Variants in MSH5 observed in about 807,000 individuals in gnomAD.
MSH5 encodes the protein mutS homolog 5.
In MSH5, 78 loss-of-function variants were observed where a neutral mutation model predicts 107.7. The observed-to-expected ratio is 0.72, with a 90% confidence interval of 0.60 to 0.87. The LOEUF (loss-of-function observed/expected upper bound fraction) is 0.87. Among genes scored for constraint, MSH5 ranks in the 40% least tolerant of loss-of-function variants. The probability of loss-of-function intolerance (pLI) is 0.00; values close to 1 mark genes in which losing one functional copy is unlikely to be tolerated. For synonymous variants in MSH5, 326 were observed against 399.5 expected (o/e 0.82, Z 2.19); for missense variants, 889 against 1,046.6 (o/e 0.85, Z 2.08).
chr6:31,741,298 A>G lies in MSH5; in HGVS notation c.271+12A>G. The stretch of plus-strand genomic sequence containing the variant: ...GCTTCTCCAGAGAGGTGGGGATGGA[A>G]CCATGAATTCCTCTGCTCTCTGGGA... On this transcript the variant is annotated intron_variant, in intron 3 of 24. Coordinates refer to ENST00000375750, the MANE Select transcript of MSH5 (RefSeq NM_172166.4). 6.3e-7 allele frequency: 1 copy of G among 1,597,224 alleles called. No individual in the cohort carries two copies. Among genetic ancestry groups the G allele is most frequent in the Non-Finnish European group, 8.5e-7 (1 of 1,170,758 alleles).
At chr6:31,752,647 G>C (rs1025024929) in intron 10 of MSH5, among the ~76,000 whole-genome samples, 1 of 151,688 alleles carries the variant, frequency 6.6e-6, no homozygotes, top group African/African-American at 2.4e-5. Context: ...TTGAACCCGG[G>C]AGGTGGAGGT....
Position 31,758,492 on chromosome 6 carries a change from G to A in MSH5, c.1144-56G>A. 1.2e-6 allele frequency: 2 copies of A among 1,600,054 alleles called. No homozygotes were observed. Among genetic ancestry groups the A allele is most frequent in the Non-Finnish European group, 1.7e-6 (2 of 1,168,532 alleles). On this transcript the variant is annotated intron_variant, in intron 13 of 24. Transcript: ENST00000375750. The surrounding 1 kb of genome is among the most constrained non-coding windows in gnomAD (Gnocchi z 5.1). The stretch of plus-strand genomic sequence containing the variant: ...CAGGGAGAATTGGGGCCCAAGGAGA[G>A]CTGAGGAACAGGACAGAGGGTGCCA...
At chr6:31,745,637 T>A (rs925818313) in intron 9 of MSH5, among the ~76,000 whole-genome samples, 4 of 152,012 alleles carry the variant, frequency 2.6e-5, no homozygotes, top group Non-Finnish European at 4.4e-5. Flanking sequence ...TAGAGAAGAG[T>A]TTTGTAACTG....
In MSH5 at chr6:31,759,824, G is replaced by A. The variant is rs776904194; in HGVS notation, c.1534G>A (p.Val512Met). The stretch of plus-strand genomic sequence containing the variant: ...GCTGATGTACCAGCTACAGTGCCAG[G>A]TGCTGGCACGAGCAGCTGTCTTAAC... The part of the protein sequence containing the change: ...TLLMYQLQCQ[V>M]LARAAVLTRV... The change falls in exon 18 of 25, where the codon GTG (valine) becomes ATG (methionine). Residue 512 changes from valine to methionine, a missense_variant. By Grantham distance (21) the Val-to-Met change is conservative. Transcript: ENST00000375750. The surrounding 1 kb of genome is among the most constrained non-coding windows in gnomAD (Gnocchi z 4.7). The A allele has an allele frequency of 6.2e-7, 1 of 1,613,790 alleles. No individual in the cohort carries two copies. The highest frequency in any genetic ancestry group is 8.5e-7 in the Non-Finnish European group (1 of 1,180,024).
At chr6:31,745,363 A>G in intron 9 of MSH5, 44 bp downstream of exon 9, 1 of 1,396,268 alleles carries the variant, frequency 7.2e-7, no homozygotes, top group Non-Finnish European at 1.0e-6. Context: ...AAGACCTACC[A>G]GAAAAGCAAT....
chr6:31,746,696 C>T (rs1446102200), intron 9 of MSH5, among the ~76,000 whole-genome samples: 2 of 151,902 alleles, frequency 1.3e-5, no homozygotes, highest in Non-Finnish European at 2.9e-5. Flanking sequence ...AGTGATCCTC[C>T]TGCCTTGGCC....
At position 31,744,016 on chromosome 6, in the gene MSH5, C is replaced by G. The variant is rs1364061906; in HGVS notation, c.528C>G (p.Cys176Trp). The change falls in exon 6 of 25, where the codon TGC becomes TGG. Residue 176 changes from cysteine (C) to tryptophan (W), a missense_variant. Transcript: ENST00000375750. ...LFLSSIIPFD[C>W]LLTVRALGGL... is the part of the protein sequence containing the mutation. ...TCTCTTCCATTATTCCCTTTGACTGCCTCCTCACAGTGAGATTGGTCCTGG... is the reference window on the plus strand; with the variant it reads ...TCTCTTCCATTATTCCCTTTGACTGGCTCCTCACAGTGAGATTGGTCCTGG... The G allele has an allele frequency of 6.2e-7, 1 of 1,614,130 alleles. No individual in the cohort carries two copies. The highest frequency in any genetic ancestry group is 2.2e-5 in the East Asian group (1 of 44,890).
In MSH5 at chr6:31,761,513, G is replaced by A; in HGVS notation, c.2079G>A (p.Trp693Ter). 3 of 1,613,686 alleles carry A rather than the reference G, an allele frequency of 1.9e-6. No individual in the cohort carries two copies. The highest frequency in any genetic ancestry group is 1.3e-5 in the African/African-American group (1 of 75,060). Residue 693 changes from tryptophan (W) to a stop codon, truncating the protein, a stop_gained, in exon 22 of 25, where the codon TGG becomes TGA. Transcript: ENST00000375750. LOFTEE classifies it high-confidence loss of function. The surrounding 1 kb of genome is among the most constrained non-coding windows in gnomAD (Gnocchi z 5.3). ...LALLAAVLRH[W>*]LARGPTCPHI... ...TTCTGGCCGCTGTGCTCCGACACTG[G>A]CTGGCACGTGGACCCACATGCCCCC...
chr6:31,750,477 T>C (rs1809849835), intron 10 of MSH5, among the ~76,000 whole-genome samples: 1 of 152,226 alleles, frequency 6.6e-6, no homozygotes, highest in South Asian at 2.1e-4. Context: ...GCTGTTCTCA[T>C]TGGCGGTATG....
Position 31,760,682 on chromosome 6 carries a change from C to G in MSH5, c.1813-8C>G. The G allele has an allele frequency of 6.2e-7, 1 of 1,612,922 alleles. No individual in the cohort carries two copies. The highest frequency in any genetic ancestry group is 8.5e-7 in the Non-Finnish European group (1 of 1,180,052). On this transcript the variant is annotated splice_polypyrimidine_tract_variant and splice_region_variant and intron_variant, in intron 19 of 24. Coordinates refer to ENST00000375750, the MANE Select transcript of MSH5 (RefSeq NM_172166.4). The surrounding 1 kb of genome is among the most constrained non-coding windows in gnomAD (Gnocchi z 5.6). ...CAGGCCCCAGGCCCTGTCTCCTTCCCTATTCAGGTAGGCTTGATCACATTC... is the reference window on the plus strand; with the variant it reads ...CAGGCCCCAGGCCCTGTCTCCTTCCGTATTCAGGTAGGCTTGATCACATTC...
chr6:31,744,789 CAAAG>C (rs1809259729), intron 8 of MSH5, among the ~76,000 whole-genome samples: 1 of 151,774 alleles, frequency 6.6e-6, no homozygotes, highest in African/African-American at 2.4e-5. Flanking sequence ...GAAACTGAGG[CAAAG>C]AAAAGTAAGG....
In MSH5 at chr6:31,740,396, C is replaced by G; in HGVS notation, c.-13-58C>G. 6.6e-7 allele frequency: 1 copy of G among 1,523,990 alleles called. No homozygotes were observed. The allele number at this position is 1,523,990 out of a possible 1,614,324, so 94.4% of individuals were successfully genotyped here. On this transcript the variant is annotated intron_variant, in intron 1 of 24. Coordinates refer to ENST00000375750, the MANE Select transcript of MSH5 (RefSeq NM_172166.4). This position sits in a 1 kb window ranked among gnomAD's most constrained non-coding sequence, Gnocchi z 4.4. ...GCTTTGCATTCTGCGCGCCACCCTA[C>G]CCCGGCCTCCTCTGTGAATCGTTGC...
At chr6:31,742,979 GAGGGAA>G (rs1809049893) in intron 4 of MSH5, 22 bp downstream of exon 4, 2 of 1,612,552 alleles carry the variant, frequency 1.2e-6, no homozygotes, top group Middle Eastern at 1.6e-4. Flanking sequence ...GTAAAGGATA[GAGGGAA>G]AATGGGGAAG....
At chr6:31,747,634 T>C (rs1809579544) in intron 10 of MSH5, among the ~76,000 whole-genome samples, 1 of 152,196 alleles carries the variant, frequency 6.6e-6, no homozygotes, top group Non-Finnish European at 1.5e-5. Context: ...ATGCATCTCA[T>C]TTTTTGTTGT....
In MSH5 at chr6:31,761,154, A is replaced by T. The variant is rs370694021; in HGVS notation, c.1963-34A>T. On this transcript the variant is annotated intron_variant, in intron 20 of 24. Coordinates refer to ENST00000375750, the MANE Select transcript of MSH5 (RefSeq NM_172166.4). The surrounding 1 kb of genome is among the most constrained non-coding windows in gnomAD (Gnocchi z 5.3). ...GGTCAGTGCGTTACGGGCTTCCAAT[A>T]CTAACTTTCCCTTGTCCACCTTATA... 3.7e-5 allele frequency: 60 copies of T among 1,606,336 alleles called. No homozygotes were observed. The African/African-American group carries it at 6.3e-4, about 17-fold the overall frequency.
At chr6:31,757,103 A>G (rs1466445948) in intron 12 of MSH5, 1 of 152,208 alleles carries the variant, frequency 6.6e-6, no homozygotes, top group African/African-American at 2.4e-5. Context: ...GTTCCCTAAC[A>G]TTCTCCAAGA....
In MSH5 at chr6:31,760,751, T is replaced by A; in HGVS notation, c.1874T>A (p.Ile625Asn). 1 of 1,612,984 alleles carries A rather than the reference T, an allele frequency of 6.2e-7. No individual in the cohort carries two copies. The highest frequency in any genetic ancestry group is 8.5e-7 in the Non-Finnish European group (1 of 1,180,036). Residue 625 changes from isoleucine to asparagine, a missense_variant, in exon 20 of 25, where the codon ATT becomes AAT. Around this residue, in one of 3 missense-constraint regions of MSH5, gnomAD observed 362 missense variants for 456.2 expected, o/e 0.79. Transcript: ENST00000375750. This position sits in a 1 kb window ranked among gnomAD's most constrained non-coding sequence, Gnocchi z 5.6. ...GSFVPAEEAEIGAVDAIFTRI... is the reference protein window; with the variant it reads ...GSFVPAEEAENGAVDAIFTRI... ...TTTGTGCCAGCAGAGGAGGCCGAAA[T>A]TGGGGCAGTAGACGCCATCTTCACA...
rs777116518 is a variant in MSH5, at chr6:31,744,237, C to T, written c.585C>T (p.Ile195=). Residue 195 remains isoleucine, a synonymous_variant, in exon 7 of 25, where the codon ATC becomes ATT. Coordinates refer to ENST00000375750, the MANE Select transcript of MSH5 (RefSeq NM_172166.4). ...GLLKFLGRRR[I]GVELEDYNVS... ...TGAAGTTCCTGGGTCGAAGAAGAAT[C>T]GGGGTTGAACTGGAAGACTATAATG... The T allele has an allele frequency of 2.5e-5, 40 of 1,613,948 alleles. No homozygotes were observed. In the Admixed American group the frequency reaches 2.5e-4, roughly 10 times the overall value.
intron 6 of MSH5, 36 bp downstream of exon 6, chr6:31,744,061 G>T (rs780221719): frequency 5.0e-6 from 8 of 1,612,576 alleles, no homozygotes; most frequent in Non-Finnish European, 6.8e-6. Flanking sequence ...GCTGGGAGGC[G>T]GCACAAGTGC....
Sources: allele counts gnomAD v4.1 joint callset (sites outside exome capture counted in the v4.1 genomes callset), GRCh38; gene constraint gnomAD v4.1.1; regional missense constraint gnomAD v4.1.1; non-coding constraint Gnocchi (gnomAD v3.1); transcripts MANE v1.5; gene names NCBI Gene and HGNC (gene_info 2026-07-23, HGNC 2026-07-21).